The following ANAPC10 variants were observed in gnomAD, a reference collection of about 807,000 sequenced individuals.
ANAPC10 encodes anaphase-promoting complex subunit 10.
ANAPC10 carries 12 observed loss-of-function variants against 22.0 expected under a neutral mutation model. The observed-to-expected ratio is 0.55, with a 90% CI of 0.35 to 0.88. The LOEUF (loss-of-function observed/expected upper bound fraction) is 0.88. Ranked by LOEUF, ANAPC10 falls within the 40% of genes least tolerant of loss-of-function variation. The pLI is 0.01. For synonymous variants in ANAPC10, 65 were observed against 69.5 expected, an observed-to-expected ratio of 0.94 and a Z score of 0.32; for missense variants, 188 against 220.9, an observed-to-expected ratio of 0.85 and a Z score of 0.94.
At chr4:145,033,255 A>C (rs1157927791) in intron 4 of ANAPC10, 1 of 152,838 alleles carries the variant, frequency 6.5e-6, no homozygotes, top group African/African-American at 2.4e-5. Context: ...GGTGGAAGTG[A>C]AAATGGTACC....
At chr4:145,010,136 C>T (rs1303346288) in intron 4 of ANAPC10, among the ~76,000 whole-genome samples, 1 of 152,096 alleles carries the variant, frequency 6.6e-6, no homozygotes, top group African/African-American at 2.4e-5. Flanking sequence ...CCATCTCACA[C>T]CAGTTAGAAT....
chr4:145,096,363 G>A (rs1386493092), intron 1 of ANAPC10, among the ~76,000 whole-genome samples: 1 of 152,108 alleles, frequency 6.6e-6, no homozygotes, highest in Non-Finnish European at 1.5e-5. Flanking sequence ...TTCAAGACCA[G>A]CCTGGACAAC....
At chr4:145,060,620 C>T (rs1742744013) in intron 4 of ANAPC10, among the ~76,000 whole-genome samples, 1 of 151,808 alleles carries the variant, frequency 6.6e-6, no homozygotes, top group Non-Finnish European at 1.5e-5. Flanking sequence ...ATACACACTA[C>T]ACTACACCCT....
At chr4:145,091,111 T>C (rs1283180511) in intron 2 of ANAPC10, among the ~76,000 whole-genome samples, 2 of 152,236 alleles carry the variant, frequency 1.3e-5, no homozygotes, top group Non-Finnish European at 2.9e-5. Context: ...GACATTGCAC[T>C]ACTGAACTTC....
intron 4 of ANAPC10, among the ~76,000 whole-genome samples, chr4:145,057,383 A>T (rs1251182403): frequency 6.6e-6 from 1 of 152,172 alleles, no homozygotes; most frequent in Non-Finnish European, 1.5e-5. Flanking sequence ...CTGACTTTAT[A>T]TGACTTCATA....
chr4:145,009,290 T>A (rs962578713), intron 4 of ANAPC10, among the ~76,000 whole-genome samples: 14 of 152,112 alleles, frequency 9.2e-5, no homozygotes, highest in Non-Finnish European at 1.9e-4. Context: ...GTCATCCCCA[T>A]CAAACTACCA....
intron 4 of ANAPC10, among the ~76,000 whole-genome samples, chr4:145,016,322 A>G (rs549001388): frequency 6.6e-6 from 1 of 152,306 alleles, no homozygotes; most frequent in East Asian, 1.9e-4. Flanking sequence ...CTTATACACC[A>G]ATAACAAACA....
intron 4 of ANAPC10, among the ~76,000 whole-genome samples, chr4:145,027,576 T>G (rs923279733): frequency 1.3e-5 from 2 of 152,128 alleles, no homozygotes; most frequent in Non-Finnish European, 2.9e-5. Context: ...GCATCATGAA[T>G]TTTCAGAATA....
At chr4:145,032,240 C>T (rs997886930) in intron 4 of ANAPC10, among the ~76,000 whole-genome samples, 12 of 152,306 alleles carry the variant, frequency 7.9e-5, no homozygotes, top group African/African-American at 2.9e-4. Context: ...TGAAGGACAG[C>T]GGTGAAAGGA....
At chr4:145,022,619 C>T (rs1307570078) in intron 4 of ANAPC10, among the ~76,000 whole-genome samples, 1 of 151,862 alleles carries the variant, frequency 6.6e-6, no homozygotes. Context: ...ACACATGTAA[C>T]TAAACATCAC....
chr4:145,082,171 CAG>C (rs1179622204), intron 2 of ANAPC10, among the ~76,000 whole-genome samples: 1 of 152,170 alleles, frequency 6.6e-6, no homozygotes, highest in African/African-American at 2.4e-5. Context: ...TTTTTTGAGA[CAG>C]AGTTTCACTC....
chr4:145,083,363 A>G (rs1409831830), intron 2 of ANAPC10, among the ~76,000 whole-genome samples: 3 of 152,176 alleles, frequency 2.0e-5, no homozygotes, highest in African/African-American at 7.2e-5. Flanking sequence ...GTTGTTTCCA[A>G]TGTTTTGCTA....
intron 4 of ANAPC10, among the ~76,000 whole-genome samples, chr4:145,011,748 C>T (rs930712547): frequency 2.0e-4 from 31 of 152,184 alleles, no homozygotes; most frequent in Middle Eastern, 3.4e-3. Context: ...GCCTATTTTT[C>T]CCTCACAATA....
intron 3 of ANAPC10, among the ~76,000 whole-genome samples, chr4:145,072,633 T>TA (rs34150835): frequency 6.6e-6 from 1 of 152,072 alleles, no homozygotes. Context: ...TCTCAAGTGC[T>TA]AAAAAAATCT....
chr4:145,027,220 T>G lies in ANAPC10; in HGVS notation c.328-31617A>C, dbSNP rs6822486. On this transcript the variant is annotated intron_variant, in intron 4 of 4. Coordinates refer to ENST00000507656, the MANE Select transcript of ANAPC10 (RefSeq NM_001256706.2). ...GATTTTGCCATGTTGGCCAGGCTAG[T>G]CTTGAACTCTTCACCTCAGGTGATC... is the stretch of plus-strand genomic sequence containing the variant. Among the ~76,000 whole-genome samples, 4 of 150,542 alleles carry G rather than the reference T, an allele frequency of 2.7e-5. No individual in the cohort carries two copies. The Admixed American group carries it at 2.7e-4, about 10-fold the overall frequency.
intron 3 of ANAPC10, among the ~76,000 whole-genome samples, chr4:145,068,383 C>T (rs1231232256): frequency 6.6e-6 from 1 of 151,988 alleles, no homozygotes; most frequent in Non-Finnish European, 1.5e-5. Flanking sequence ...AACTAATAAA[C>T]CCTAAGGTAC....
intron 4 of ANAPC10, among the ~76,000 whole-genome samples, chr4:145,003,274 ATCTAC>A (rs1230816145): frequency 8.5e-5 from 13 of 152,186 alleles, no homozygotes; most frequent in Middle Eastern, 3.2e-3. Flanking sequence ...CATTTAAAAA[ATCTAC>A]TCTACTACTG....
intron 2 of ANAPC10, among the ~76,000 whole-genome samples, chr4:145,088,113 C>A (rs1291937080): frequency 1.3e-5 from 2 of 152,166 alleles, no homozygotes; most frequent in African/African-American, 4.8e-5. Flanking sequence ...TTCCTCTTGA[C>A]TTCTATCCAT....
At chr4:145,031,792 A>G (rs1194810854) in intron 4 of ANAPC10, among the ~76,000 whole-genome samples, 1 of 152,184 alleles carries the variant, frequency 6.6e-6, no homozygotes, top group East Asian at 1.9e-4. Context: ...TCTTTTGCAA[A>G]TAACTACTCT....
Sources: gnomAD v4.1 joint callset for allele counts (sites outside exome capture counted in the v4.1 genomes callset) on GRCh38, gnomAD v4.1.1 for gene constraint, MANE v1.5 for transcripts, NCBI Gene and HGNC (gene_info 2026-07-23, HGNC 2026-07-21) for gene names.